ASCC3: variants seen among roughly 807,000 people sequenced by gnomAD.
The protein encoded by ASCC3 is ASC-1 complex subunit P200.
In ASCC3, 158 loss-of-function variants were observed where a neutral mutation model predicts 256.3. The ratio of observed to expected loss-of-function variants is 0.62; its 90% CI spans 0.54 to 0.70. ASCC3 has a LOEUF of 0.70. ASCC3 is among the 30% of genes least tolerant of loss of function. The probability of loss-of-function intolerance (pLI) is 0.00; values close to 1 mark genes in which losing one functional copy is unlikely to be tolerated. For synonymous variants in ASCC3, 948 were observed against 883.4 expected (o/e 1.07, Z -1.30); for missense variants, 2,259 against 2,626.0 (o/e 0.86, Z 3.05).
chr6:100,688,063 A>G (rs553211812), intron 13 of ASCC3, among the ~76,000 whole-genome samples: 1 of 152,212 alleles, frequency 6.6e-6, no homozygotes, highest in East Asian at 1.9e-4. Flanking sequence ...AAGTTAGAGA[A>G]GTATTTTAAA....
At chr6:100,758,046 C>T (rs1035871035) in intron 10 of ASCC3, among the ~76,000 whole-genome samples, 1 of 152,004 alleles carries the variant, frequency 6.6e-6, no homozygotes, top group Admixed American at 6.6e-5. Context: ...AAAAGAGTAT[C>T]GGCTACCATC....
intron 39 of ASCC3, among the ~76,000 whole-genome samples, chr6:100,513,609 T>G (rs1773884419): frequency 6.6e-6 from 1 of 152,218 alleles, no homozygotes. Context: ...TAAGGAATTC[T>G]ATAAGTCTAG....
intron 8 of ASCC3, among the ~76,000 whole-genome samples, chr6:100,782,809 C>T (rs561912791): frequency 2.0e-5 from 3 of 152,004 alleles, no homozygotes; most frequent in East Asian, 1.9e-4. Context: ...TTATAATATG[C>T]TATTTTATTG....
chr6:100,712,306 A>G (rs991278807), intron 13 of ASCC3, among the ~76,000 whole-genome samples: 10 of 152,306 alleles, frequency 6.6e-5, no homozygotes, highest in African/African-American at 2.4e-4. Context: ...ACTAAGAGAA[A>G]TAAGAGGAAA....
chr6:100,558,056 A>C (rs1055476185), intron 36 of ASCC3, among the ~76,000 whole-genome samples: 10 of 150,464 alleles, frequency 6.6e-5, no homozygotes, highest in Non-Finnish European at 1.5e-4. Context: ...ATACTTGATA[A>C]TCCCTCACTT....
At chr6:100,513,263 A>G (rs1472136621) in intron 39 of ASCC3, among the ~76,000 whole-genome samples, 1 of 152,178 alleles carries the variant, frequency 6.6e-6, no homozygotes, top group Non-Finnish European at 1.5e-5. Flanking sequence ...TGTCTTTGTA[A>G]AAATAACTAA....
At chr6:100,768,526 C>A (rs62420630) in intron 8 of ASCC3, among the ~76,000 whole-genome samples, 17 of 152,022 alleles carry the variant, frequency 1.1e-4, no homozygotes, top group African/African-American at 4.1e-4. Context: ...TTAATCAACA[C>A]GATATAATAG....
At chr6:100,547,505 CAAT>C (rs1474455510) in intron 36 of ASCC3, among the ~76,000 whole-genome samples, 1 of 151,878 alleles carries the variant, frequency 6.6e-6, no homozygotes, top group Non-Finnish European at 1.5e-5. Flanking sequence ...AAAGCTCCAA[CAAT>C]GAGAAAACAA....
chr6:100,712,948 C>T (rs1297292213), intron 13 of ASCC3, among the ~76,000 whole-genome samples: 6 of 151,760 alleles, frequency 4.0e-5, no homozygotes. Flanking sequence ...TCAGTAGAGA[C>T]AGAGTTTCAC....
chr6:100,766,511 C>A (rs1781661533), intron 10 of ASCC3, 54 bp downstream of exon 10: 2 of 1,535,948 alleles, frequency 1.3e-6, no homozygotes, highest in East Asian at 4.5e-5. Context: ...ATAATTTTCA[C>A]AATTACCTAA....
chr6:100,642,576 G>A lies in ASCC3; in HGVS notation c.3901+5C>T, dbSNP rs1033395172. Reference sequence around the variant, plus strand: ...AATGATTCAAATCAGCATTCACCATGTTACCTGTATGAGGAGGATGTCTCT... The same window carrying A: ...AATGATTCAAATCAGCATTCACCATATTACCTGTATGAGGAGGATGTCTCT... On this transcript the variant is annotated splice_donor_5th_base_variant and intron_variant, in intron 24 of 41. Coordinates refer to ENST00000369162, the MANE Select transcript of ASCC3 (RefSeq NM_006828.4). 4.3e-6 allele frequency: 7 copies of A among 1,613,480 alleles called. No homozygotes were observed. The African/African-American group carries it at 5.3e-5, about 12-fold the overall frequency.
At chr6:100,532,420 T>TATTTTA (rs1562098733) in intron 37 of ASCC3, among the ~76,000 whole-genome samples, 1 of 140,630 alleles carries the variant, frequency 7.1e-6, no homozygotes, top group African/African-American at 2.7e-5. Context: ...TTTTTTTTTT[T>TATTTTA]TTTTTTTAAA....
chr6:100,698,754 T>C (rs1778206039), intron 13 of ASCC3, among the ~76,000 whole-genome samples: 1 of 152,180 alleles, frequency 6.6e-6, no homozygotes, highest in African/African-American at 2.4e-5. Context: ...CTTAAGAAGG[T>C]AGTCAAAGCT....
chr6:100,876,668 CT>C (rs1774017987), intron 1 of ASCC3, among the ~76,000 whole-genome samples: 1 of 152,110 alleles, frequency 6.6e-6, no homozygotes, highest in African/African-American at 2.4e-5. Flanking sequence ...TTTTACCTTA[CT>C]AATTTTTACT....
chr6:100,724,742 A>G (rs1779545502), intron 11 of ASCC3, among the ~76,000 whole-genome samples: 1 of 151,988 alleles, frequency 6.6e-6, no homozygotes, highest in African/African-American at 2.4e-5. Context: ...ATTTCAGTAC[A>G]AAATACTATT....
chr6:100,867,502 A>G (rs906299164), intron 2 of ASCC3, among the ~76,000 whole-genome samples: 23 of 152,158 alleles, frequency 1.5e-4, no homozygotes, highest in African/African-American at 5.3e-4. Context: ...CATATTTCTC[A>G]TAAGGTACAG....
At position 100,691,967 on chromosome 6, in the gene ASCC3, A is replaced by T. The variant is rs1438320155; in HGVS notation, c.2152-12215T>A. Among the ~76,000 whole-genome samples, 3 of 151,666 alleles carry T rather than the reference A, an allele frequency of 2.0e-5. No individual in the cohort carries two copies. In the East Asian group the frequency reaches 5.8e-4, roughly 29 times the overall value. Reference sequence around the variant, plus strand: ...CAAGGGTGCTGTGGGAACAACAAACAATAATTACAAAGTACTAGGAAGACA... The same window carrying T: ...CAAGGGTGCTGTGGGAACAACAAACTATAATTACAAAGTACTAGGAAGACA... On this transcript the variant is annotated intron_variant, in intron 13 of 41. Coordinates refer to ENST00000369162, the MANE Select transcript of ASCC3 (RefSeq NM_006828.4).
chr6:100,609,833 C>T (rs562528071), intron 30 of ASCC3, among the ~76,000 whole-genome samples: 2 of 152,164 alleles, frequency 1.3e-5, no homozygotes, highest in Admixed American at 6.5e-5. Flanking sequence ...TCGCCTGAAC[C>T]CGGGATGCAG....
chr6:100,839,631 A>G (rs1013591859), intron 4 of ASCC3, among the ~76,000 whole-genome samples: 2 of 152,196 alleles, frequency 1.3e-5, no homozygotes, highest in Non-Finnish European at 2.9e-5. Context: ...GTTCTTCTAA[A>G]TCTTCAATAA....
Sources: gnomAD v4.1 joint callset for allele counts (sites outside exome capture counted in the v4.1 genomes callset) on GRCh38, gnomAD v4.1.1 for gene constraint, MANE v1.5 for transcripts, NCBI Gene and HGNC (gene_info 2026-07-23, HGNC 2026-07-21) for gene names.